Variants in DPYD observed in about 807,000 individuals in gnomAD.
The protein encoded by DPYD is dihydropyrimidine dehydrogenase [NADP(+)].
DPYD carries 109 observed loss-of-function variants against 116.2 expected under a neutral mutation model. The ratio of observed to expected loss-of-function variants is 0.94; its 90% confidence interval spans 0.80 to 1.10. The LOEUF (loss-of-function observed/expected upper bound fraction) is 1.10, where lower values mean the gene tolerates loss of function less well. DPYD is among the 50% of genes least tolerant of loss of function. DPYD has a pLI of 0.00. For synonymous variants in DPYD, 440 were observed against 432.0 expected, an observed-to-expected ratio of 1.02 and a Z score of -0.23; for missense variants, 1,302 against 1,254.5, an observed-to-expected ratio of 1.04 and a Z score of -0.57.
chr1:97,544,515 C>A (rs1176496143), intron 12 of DPYD, among the ~76,000 whole-genome samples: 1 of 152,066 alleles, frequency 6.6e-6, no homozygotes, highest in East Asian at 1.9e-4. Flanking sequence ...TGCATGTTTT[C>A]TTCATTATAG....
At chr1:97,769,718 A>G (rs1666048541) in intron 3 of DPYD, among the ~76,000 whole-genome samples, 1 of 152,206 alleles carries the variant, frequency 6.6e-6, no homozygotes, top group Admixed American at 6.5e-5. Flanking sequence ...CAGCTTAAAA[A>G]TTTGCAAACA....
chr1:97,172,283 A>G (rs866042340), intron 20 of DPYD, among the ~76,000 whole-genome samples: 3 of 152,190 alleles, frequency 2.0e-5, no homozygotes, highest in African/African-American at 7.2e-5. Flanking sequence ...GCTGATCAAC[A>G]GTATTTTTTG....
At chr1:97,390,039 C>T (rs974256249) in intron 14 of DPYD, among the ~76,000 whole-genome samples, 1 of 152,000 alleles carries the variant, frequency 6.6e-6, no homozygotes, top group African/African-American at 2.4e-5. Context: ...AAAGTTTACA[C>T]ATTAAAAATT....
intron 20 of DPYD, among the ~76,000 whole-genome samples, chr1:97,130,856 TTCCTTC>T (rs1653274796): frequency 7.4e-6 from 1 of 134,690 alleles, no homozygotes; most frequent in Non-Finnish European, 1.6e-5. Context: ...CCTTCCTTCC[TTCCTTC>T]CTTCCTTCCT....
At chr1:97,638,629 C>T (rs923089767) in intron 8 of DPYD, among the ~76,000 whole-genome samples, 3 of 152,026 alleles carry the variant, frequency 2.0e-5, no homozygotes, top group African/African-American at 7.3e-5. Flanking sequence ...AGTTTATTTG[C>T]CAATGCAGGC....
intron 19 of DPYD, among the ~76,000 whole-genome samples, chr1:97,218,168 A>AT (rs1032774476): frequency 3.3e-5 from 5 of 152,178 alleles, no homozygotes; most frequent in Admixed American, 3.3e-4. Context: ...ATGAACTGAG[A>AT]TTTTTGAAAA....
chr1:97,685,766 C>T (rs111361175), intron 7 of DPYD, among the ~76,000 whole-genome samples: 69 of 152,204 alleles, frequency 4.5e-4, no homozygotes, highest in African/African-American at 1.6e-3. Flanking sequence ...CCTAGAAATA[C>T]AACTAACAAG....
At chr1:97,215,628 T>G (rs1277378865) in intron 19 of DPYD, among the ~76,000 whole-genome samples, 5 of 152,132 alleles carry the variant, frequency 3.3e-5, no homozygotes, top group Non-Finnish European at 5.9e-5. Context: ...TTATGAAAGG[T>G]CTACGTTATT....
chr1:97,774,359 C>A (rs961978183), intron 3 of DPYD, among the ~76,000 whole-genome samples: 1 of 152,184 alleles, frequency 6.6e-6, no homozygotes, highest in Middle Eastern at 3.2e-3. Context: ...TTAAACACCC[C>A]AGACTTCGTC....
intron 18 of DPYD, among the ~76,000 whole-genome samples, chr1:97,256,973 G>A (rs180723115): frequency 2.0e-5 from 3 of 151,904 alleles, no homozygotes; most frequent in Admixed American, 6.6e-5. Context: ...TTCACACTAC[G>A]CAATGATTAC....
At chr1:97,525,193 T>C (rs1413727066) in intron 12 of DPYD, among the ~76,000 whole-genome samples, 2 of 152,188 alleles carry the variant, frequency 1.3e-5, no homozygotes, top group Non-Finnish European at 2.9e-5. Context: ...TCTCAGTCTT[T>C]CGCAGCACAG....
chr1:97,250,998 G>C, intron 18 of DPYD, among the ~76,000 whole-genome samples: 1 of 152,118 alleles, frequency 6.6e-6, no homozygotes, highest in East Asian at 1.9e-4. Context: ...TCAAAAGTGA[G>C]CATCTCCTAT....
In DPYD at chr1:97,511,951, G is replaced by A. The variant is rs115764351; in HGVS notation, c.1740+3775C>T. On this transcript the variant is annotated intron_variant, in intron 13 of 22. Transcript: ENST00000370192. ...ACATTTTCATTTTTAGACACGTATAGATGCACTATAGAAAAGCAACATAGA... is the reference window on the plus strand; with the variant it reads ...ACATTTTCATTTTTAGACACGTATAAATGCACTATAGAAAAGCAACATAGA... Among the ~76,000 whole-genome samples, 544 of 151,934 alleles carry A rather than the reference G, an allele frequency of 3.6e-3. 4 individuals carry two copies. The highest frequency in any genetic ancestry group is 6.8e-3 in the Non-Finnish European group (460 of 67,874).
intron 13 of DPYD, among the ~76,000 whole-genome samples, chr1:97,472,691 T>A (rs1471956496): frequency 6.6e-6 from 1 of 152,206 alleles, no homozygotes; most frequent in African/African-American, 2.4e-5. Flanking sequence ...ACATCTATCT[T>A]TAAGGACAAG....
intron 12 of DPYD, among the ~76,000 whole-genome samples, chr1:97,538,372 C>T (rs1202047853): frequency 6.6e-6 from 1 of 152,188 alleles, no homozygotes; most frequent in African/African-American, 2.4e-5. Context: ...GCCTATTGAA[C>T]TGCCATCAGA....
At chr1:97,454,462 G>T (rs1676579970) in intron 13 of DPYD, among the ~76,000 whole-genome samples, 1 of 151,976 alleles carries the variant, frequency 6.6e-6, no homozygotes, top group Non-Finnish European at 1.5e-5. Flanking sequence ...TTCAAGAATA[G>T]TTAGAGTAGA....
intron 13 of DPYD, among the ~76,000 whole-genome samples, chr1:97,492,748 A>G (rs1159244314): frequency 6.6e-6 from 1 of 152,188 alleles, no homozygotes; most frequent in Non-Finnish European, 1.5e-5. Flanking sequence ...AATCATCCAG[A>G]GTCTAAAGAA....
At chr1:97,168,746 T>C (rs1372966804) in intron 20 of DPYD, among the ~76,000 whole-genome samples, 1 of 152,164 alleles carries the variant, frequency 6.6e-6, no homozygotes, top group African/African-American at 2.4e-5. Flanking sequence ...ATTTTCAGAA[T>C]TCACATTTTC....
At chr1:97,286,773 G>A (rs1474731527) in intron 18 of DPYD, among the ~76,000 whole-genome samples, 1 of 152,136 alleles carries the variant, frequency 6.6e-6, no homozygotes, top group African/African-American at 2.4e-5. Flanking sequence ...AGCTCCATCA[G>A]CTCCTTTAAG....
Sources: allele counts gnomAD v4.1 joint callset (sites outside exome capture counted in the v4.1 genomes callset), GRCh38; gene constraint gnomAD v4.1.1; transcripts MANE v1.5; gene names NCBI Gene and HGNC (gene_info 2026-07-23, HGNC 2026-07-21).